Variants in LRRC74B observed in about 807,000 individuals in gnomAD.
LRRC74B encodes the protein leucine rich repeat containing 74B, also known as leucine-rich repeat-containing protein 74B.
In LRRC74B, 30 loss-of-function variants were observed where a neutral mutation model predicts 16.6. That is an observed-to-expected ratio of 1.80 (90% CI 1.35 to 2.45). The LOEUF (loss-of-function observed/expected upper bound fraction) is 2.45, where lower values mean the gene tolerates loss of function less well. LRRC74B is among the 30% of genes most tolerant of loss of function. The pLI, the probability that LRRC74B is intolerant of heterozygous loss-of-function variation, is 0.00. For missense variants in LRRC74B, 326 were observed against 202.4 expected, an observed-to-expected ratio of 1.61 and a Z score of -3.71; for synonymous variants, 134 against 86.0, an observed-to-expected ratio of 1.56 and a Z score of -3.09.
chr22:21,052,825 T>C (rs1375228591), intron 5 of LRRC74B, among the ~76,000 whole-genome samples: 1 of 152,188 alleles, frequency 6.6e-6, no homozygotes, highest in Non-Finnish European at 1.5e-5. Flanking sequence ...ATGTCCCCAG[T>C]GCCAGATACC....
chr22:21,052,283 A>G (rs1372554791), exon 5 of LRRC74B: 1 of 717,458 alleles, frequency 1.4e-6, no homozygotes, highest in Non-Finnish European at 2.6e-6. Flanking sequence ...CAGAAAACAC[A>G]GGACTCACCG....
intron 1 of LRRC74B, among the ~76,000 whole-genome samples, chr22:21,046,339 T>G (rs1465690397): frequency 6.6e-6 from 1 of 152,222 alleles, no homozygotes; most frequent in Non-Finnish European, 1.5e-5. Context: ...CACCCTGAAA[T>G]GAAATCAGAG....
intron 6 of LRRC74B, among the ~76,000 whole-genome samples, chr22:21,054,435 CA>C (rs1930318814): frequency 1.3e-5 from 2 of 152,224 alleles, no homozygotes; most frequent in South Asian, 4.1e-4. Flanking sequence ...CCAGGAGGCA[CA>C]AGCCCAGAGG....
rs760535221 is a variant in LRRC74B, at chr22:21,053,487, C to T, written c.848+12C>T. On this transcript the variant is annotated intron_variant, in intron 6 of 8. Transcript: ENST00000442047. Reference sequence around the variant, plus strand: ...GAACTCAACATGAGGTGAGGATCCCCGGGGGGACACCCCAGGAATCATGGG... The same window carrying T: ...GAACTCAACATGAGGTGAGGATCCCTGGGGGGACACCCCAGGAATCATGGG... The T allele has an allele frequency of 4.6e-5, 33 of 715,520 alleles. No individual in the cohort carries two copies. The highest frequency in any genetic ancestry group is 2.8e-4 in the Middle Eastern group (1 of 3,588). 44.3% of individuals were successfully genotyped at this position (715,520 alleles called of 1,614,324 possible).
At chr22:21,056,800 G>A (rs1223333008) in intron 7 of LRRC74B, 11 of 319,284 alleles carry the variant, frequency 3.4e-5, no homozygotes, top group South Asian at 3.4e-4. Context: ...CACTCACTGC[G>A]CTGATCACAC....
At chr22:21,051,487 A>C (rs1043543981) in intron 4 of LRRC74B, among the ~76,000 whole-genome samples, 2 of 146,634 alleles carry the variant, frequency 1.4e-5, no homozygotes, top group African/African-American at 2.5e-5. Context: ...TTTCTCTACC[A>C]CCCCCATCTC....
At chr22:21,047,273 G>A in intron 1 of LRRC74B, 83 bp from the exon 2 acceptor site, 1 of 656,724 alleles carries the variant, frequency 1.5e-6, no homozygotes, top group Non-Finnish European at 2.8e-6. Context: ...CAAAACATAG[G>A]CCAGGTAGTG....
intron 7 of LRRC74B, chr22:21,056,878 T>A (rs150195830): frequency 5.7e-6 from 3 of 528,522 alleles, no homozygotes; most frequent in Non-Finnish European, 3.3e-6. Context: ...CAAGGGTGTG[T>A]CTTGTGTGTC....
chr22:21,054,468 G>A (rs1340857823), intron 6 of LRRC74B, among the ~76,000 whole-genome samples: 1 of 152,232 alleles, frequency 6.6e-6, no homozygotes, highest in African/African-American at 2.4e-5. Flanking sequence ...GCGGATGCCA[G>A]GGAGGTCACG....
downstream of LRRC74B, chr22:21,061,719 C>T (rs1371674413): frequency 6.6e-6 from 1 of 152,186 alleles, no homozygotes; most frequent in African/African-American, 2.4e-5. Context: ...TATTTCCATT[C>T]CTAGGTATAT....
rs73164864 is a variant in LRRC74B, at chr22:21,046,286, A to T, written c.139+161A>T. On this transcript the variant is annotated intron_variant, in intron 1 of 8. Coordinates refer to ENST00000442047, the Ensembl canonical transcript of LRRC74B. ...CTTCATTGCTCCTGGAAGCATCAGG[A>T]TAAAATGCAAAATCCCGCCAGACAG... 0.069 allele frequency among the ~76,000 whole-genome samples: 10,580 copies of T among 152,310 alleles called. 412 individuals are homozygous for T. Among genetic ancestry groups the T allele is most frequent in the Non-Finnish European group, 0.082 (5,557 of 68,006 alleles).
chr22:21,047,446 G>T (rs747155313), exon 2 of LRRC74B: 1 of 717,480 alleles, frequency 1.4e-6, no homozygotes, highest in South Asian at 1.5e-5. Context: ...TGCTTTCTGC[G>T]CCAAGGGAGC....
upstream of LRRC74B, chr22:21,045,970 G>A (rs1476091883): frequency 1.4e-6 from 1 of 717,194 alleles, no homozygotes; most frequent in East Asian, 2.7e-5. Context: ...GTCTGAGACT[G>A]CGAGAGGGTC....
chr22:21,047,768 G>T (rs549192887), intron 2 of LRRC74B, 116 bp from the exon 3 acceptor site: 3 of 650,510 alleles, frequency 4.6e-6, no homozygotes, highest in Middle Eastern at 8.0e-4. Context: ...GGAGAAGCAG[G>T]TGTCACTTAA....
intron 8 of LRRC74B, among the ~76,000 whole-genome samples, chr22:21,058,995 A>G (rs1383258994): frequency 6.6e-6 from 1 of 152,262 alleles, no homozygotes; most frequent in Non-Finnish European, 1.5e-5. Flanking sequence ...GTTCACGCCT[A>G]TAACCCCAGG....
At chr22:21,059,257 A>T (rs1487673583) in intron 8 of LRRC74B, among the ~76,000 whole-genome samples, 2 of 152,218 alleles carry the variant, frequency 1.3e-5, no homozygotes, top group African/African-American at 4.8e-5. Flanking sequence ...GCATAGTGGT[A>T]TGCACTTGTA....
At chr22:21,063,058 T>C (rs986370557), downstream of LRRC74B, 16 of 144,888 alleles carry the variant, frequency 1.1e-4, no homozygotes, top group African/African-American at 4.1e-4. Flanking sequence ...AATGGAAGGA[T>C]CAAACTGGGC....
intron 5 of LRRC74B, among the ~76,000 whole-genome samples, 195 bp downstream of exon 5, chr22:21,052,553 A>T (rs183993271): frequency 6.6e-6 from 1 of 152,326 alleles, no homozygotes; most frequent in Admixed American, 6.5e-5. Flanking sequence ...TCACCGTCAC[A>T]TACTTTCCTG....
downstream of LRRC74B, among the ~76,000 whole-genome samples, chr22:21,061,327 A>G (rs1930796959): frequency 6.6e-6 from 1 of 152,210 alleles, no homozygotes; most frequent in African/African-American, 2.4e-5. Flanking sequence ...TCAAAAAAAA[A>G]AAAGATGCCC....
Sources: allele counts gnomAD v4.1 joint callset (sites outside exome capture counted in the v4.1 genomes callset), GRCh38; gene constraint gnomAD v4.1.1; transcripts MANE v1.5; gene names NCBI Gene and HGNC (gene_info 2026-07-23, HGNC 2026-07-21).